The following GPT2 variants were observed in gnomAD, a reference collection of about 807,000 sequenced individuals.
GPT2 encodes alanine aminotransferase 2.
Under a neutral mutation model 56.9 loss-of-function variants are expected in GPT2, and 30 were observed. That is an observed-to-expected ratio of 0.53 (90% CI 0.39 to 0.72). The LOEUF is 0.72. Among genes scored for constraint, GPT2 ranks in the 30% least tolerant of loss-of-function variants. The pLI is 0.00. For synonymous variants in GPT2, 271 were observed against 283.1 expected (o/e 0.96, Z 0.43); for missense variants, 542 against 703.4 (o/e 0.77, Z 2.60).
chr16:46,918,568 G>A, intron 7 of GPT2, 53 bp from the exon 8 acceptor site: 1 of 1,599,444 alleles, frequency 6.3e-7, no homozygotes. Flanking sequence ...GCCACACTGG[G>A]CAGCAGCCTC....
intron 8 of GPT2, 95 bp downstream of exon 8, chr16:46,918,852 T>C: frequency 1.4e-6 from 2 of 1,463,548 alleles, no homozygotes; most frequent in Non-Finnish European, 1.9e-6. Context: ...CCCACTTGGA[T>C]GGAGAGAAGG....
intron 6 of GPT2, among the ~76,000 whole-genome samples, chr16:46,911,722 G>A (rs1172898490): frequency 6.6e-6 from 1 of 152,164 alleles, no homozygotes; most frequent in African/African-American, 2.4e-5. Flanking sequence ...CCGGGGTATG[G>A]TTTGAGAGTT....
chr16:46,904,832 A>G (rs1355913691), intron 4 of GPT2, among the ~76,000 whole-genome samples: 1 of 152,184 alleles, frequency 6.6e-6, no homozygotes, highest in Non-Finnish European at 1.5e-5. Context: ...GAGGGCTCTA[A>G]CACCAGCATC....
intron 2 of GPT2, 41 bp downstream of exon 2, chr16:46,884,999 G>A (rs1486723156): frequency 7.0e-7 from 1 of 1,425,682 alleles, no homozygotes. Flanking sequence ...GGGCCGCTGA[G>A]CAAGGGAAAA....
chr16:46,928,944 G>T lies in GPT2; in HGVS notation c.1519G>T (p.Val507Leu). Residue 507 changes from valine to leucine, a missense_variant, in exon 12 of 12, where the codon GTG becomes TTG. Physicochemically the swap from Val to Leu is conservative, Grantham distance 32 (BLOSUM62 1). Transcript: ENST00000340124. Reference sequence around the variant, plus strand: ...CCCTCCAGTGGAGAAGCTGAAAACGGTGCTGCAGAAGGTGAAAGACTTCCA... The same window carrying T: ...CCCTCCAGTGGAGAAGCTGAAAACGTTGCTGCAGAAGGTGAAAGACTTCCA... ...ILPPVEKLKT[V>L]LQKVKDFHIN... The T allele has an allele frequency of 6.2e-7, 1 of 1,614,154 alleles. No individual in the cohort carries two copies. The highest frequency in any genetic ancestry group is 8.5e-7 in the Non-Finnish European group (1 of 1,179,998).
chr16:46,894,960 T>C (rs961520604), intron 2 of GPT2, among the ~76,000 whole-genome samples: 12 of 151,654 alleles, frequency 7.9e-5, no homozygotes, highest in Non-Finnish European at 1.2e-4. Flanking sequence ...CCACCGCACC[T>C]GGCCGCCACT....
In GPT2 at chr16:46,916,721, C is replaced by CA. The variant is rs758663830; in HGVS notation, c.900+15dup. 7.6e-6 allele frequency: 12 copies of CA among 1,585,782 alleles called. No homozygotes were observed. Among genetic ancestry groups the CA allele is most frequent in the Admixed American group, 3.3e-5 (2 of 59,960 alleles). On this transcript the variant is annotated intron_variant, in intron 7 of 11. Coordinates refer to ENST00000340124, the MANE Select transcript of GPT2 (RefSeq NM_133443.4). ...CTGGCTGATGAGGTAAGAATGTCCC[C>CA]ACTCAGAGGGAGTGGGCACTAGCTT...
intron 2 of GPT2, among the ~76,000 whole-genome samples, chr16:46,896,776 C>T (rs1960693289): frequency 6.6e-6 from 1 of 152,212 alleles, no homozygotes; most frequent in Non-Finnish European, 1.5e-5. Flanking sequence ...GTTCGGGATG[C>T]TTGGGCAGCC....
At chr16:46,925,423 G>C (rs1363263568) in intron 10 of GPT2, among the ~76,000 whole-genome samples, 1 of 151,972 alleles carries the variant, frequency 6.6e-6, no homozygotes, top group South Asian at 2.1e-4. Flanking sequence ...GGGTTTCACC[G>C]TGTTAGCCAG....
At chr16:46,898,944 ACACATATATGTG>A (rs1960748842) in intron 3 of GPT2, among the ~76,000 whole-genome samples, 1 of 30,728 alleles carries the variant, frequency 3.3e-5, no homozygotes, top group Non-Finnish European at 6.4e-5. Flanking sequence ...ATATATACAC[ACACATATATGTG>A]TATATATATA....
intron 7 of GPT2, among the ~76,000 whole-genome samples, chr16:46,917,959 A>G (rs1001857950): frequency 1.3e-5 from 2 of 152,136 alleles, no homozygotes; most frequent in South Asian, 2.1e-4. Flanking sequence ...TGGCTTGGCA[A>G]TGGAGCCAGC....
intron 8 of GPT2, among the ~76,000 whole-genome samples, chr16:46,919,832 G>C (rs1036459569): frequency 6.6e-6 from 1 of 152,138 alleles, no homozygotes; most frequent in Non-Finnish European, 1.5e-5. Flanking sequence ...GACAGAGATG[G>C]GGAGAGGATC....
intron 2 of GPT2, among the ~76,000 whole-genome samples, chr16:46,896,114 G>T (rs965683145): frequency 6.6e-6 from 1 of 152,166 alleles, no homozygotes; most frequent in African/African-American, 2.4e-5. Flanking sequence ...TTTGTAAGAT[G>T]ATATTTGTAC....
At position 46,884,687 on chromosome 16, in the gene GPT2, G is replaced by C. The variant is rs1960446113; in HGVS notation, c.-22-7G>C. 1.5e-6 allele frequency: 2 copies of C among 1,370,128 alleles called. No homozygotes were observed. Among genetic ancestry groups the C allele is most frequent in the Non-Finnish European group, 1.9e-6 (2 of 1,059,622 alleles). 84.9% of individuals were successfully genotyped at this position (1,370,128 alleles called of 1,614,324 possible). A position where few individuals can be genotyped will look rare whatever the true frequency, so the allele number is the denominator to read the frequency against. On this transcript the variant is annotated splice_region_variant and splice_polypyrimidine_tract_variant and intron_variant, in intron 1 of 11. Coordinates refer to ENST00000340124, the MANE Select transcript of GPT2 (RefSeq NM_133443.4). ...ACGTGTTTGTTCTTTTTCTCTTTTT[G>C]TGCCAGGGTTTCTCTCCGCAAGCGC...
intron 8 of GPT2, among the ~76,000 whole-genome samples, chr16:46,921,188 A>T (rs1368132807): frequency 6.6e-6 from 1 of 152,050 alleles, no homozygotes; most frequent in Non-Finnish European, 1.5e-5. Flanking sequence ...TGTTGTTTTG[A>T]GATGTAATCT....
At chr16:46,910,013 G>A (rs1436128777) in intron 6 of GPT2, 86 bp downstream of exon 6, 1 of 1,466,920 alleles carries the variant, frequency 6.8e-7, no homozygotes, top group African/African-American at 1.4e-5. Context: ...TAAATAATTG[G>A]AGGGTCTCTC....
At chr16:46,911,183 C>T (rs1268439761) in intron 6 of GPT2, among the ~76,000 whole-genome samples, 6 of 152,164 alleles carry the variant, frequency 3.9e-5, no homozygotes, top group Non-Finnish European at 8.8e-5. Context: ...AGTTGAAAAG[C>T]ACCCCCAATT....
intron 3 of GPT2, 96 bp from the exon 4 acceptor site, chr16:46,900,586 C>T (rs561516689): frequency 4.4e-6 from 4 of 914,004 alleles, no homozygotes; most frequent in Admixed American, 3.9e-5. Context: ...TCAGCCCCAT[C>T]CCTGGGAGCT....
At chr16:46,927,154 C>A in intron 11 of GPT2, 117 bp downstream of exon 11, 1 of 580,370 alleles carries the variant, frequency 1.7e-6, no homozygotes, top group Non-Finnish European at 3.0e-6. Context: ...CCTGTCCTCT[C>A]TCGAGTCACC....
Sources: allele counts gnomAD v4.1 joint callset (sites outside exome capture counted in the v4.1 genomes callset), GRCh38; gene constraint gnomAD v4.1.1; transcripts MANE v1.5; gene names NCBI Gene and HGNC (gene_info 2026-07-23, HGNC 2026-07-21).